TMTC2: variants seen among roughly 807,000 people sequenced by gnomAD.
TMTC2 encodes protein O-mannosyl-transferase TMTC2.
Under a neutral mutation model 82.4 loss-of-function variants are expected in TMTC2, and 43 were observed. The observed-to-expected ratio is 0.52, with a 90% confidence interval of 0.41 to 0.67. The LOEUF (loss-of-function observed/expected upper bound fraction) is 0.67. TMTC2 is among the 30% of genes least tolerant of loss of function. The pLI is 0.00. For synonymous variants in TMTC2, 408 were observed against 381.9 expected, an observed-to-expected ratio of 1.07 and a Z score of -0.80; for missense variants, 919 against 1,012.4, an observed-to-expected ratio of 0.91 and a Z score of 1.25.
At chr12:82,806,588 A>C (rs1879252379) in intron 1 of TMTC2, among the ~76,000 whole-genome samples, 1 of 152,178 alleles carries the variant, frequency 6.6e-6, no homozygotes, top group South Asian at 2.1e-4. Flanking sequence ...TTCATTACTA[A>C]TACTATTGAC....
At chr12:83,043,370 C>CTTCAA (rs1437427651) in intron 9 of TMTC2, among the ~76,000 whole-genome samples, 3 of 152,154 alleles carry the variant, frequency 2.0e-5, no homozygotes, top group African/African-American at 7.2e-5. Flanking sequence ...AAGTGACTTG[C>CTTCAA]TTCAATTCCC....
intron 1 of TMTC2, among the ~76,000 whole-genome samples, chr12:82,709,953 C>T (rs747326296): frequency 3.9e-5 from 6 of 152,110 alleles, no homozygotes; most frequent in African/African-American, 1.4e-4. Context: ...TTCCATAATT[C>T]TGTAGTTTTT....
chr12:83,023,216 T>A (rs957838217), intron 8 of TMTC2, among the ~76,000 whole-genome samples: 3 of 152,224 alleles, frequency 2.0e-5, no homozygotes, highest in African/African-American at 2.4e-5. Flanking sequence ...ATTTGGGAAA[T>A]TTTTTAATAG....
chr12:82,828,529 T>C (rs1869564112), intron 1 of TMTC2, among the ~76,000 whole-genome samples: 1 of 152,322 alleles, frequency 6.6e-6, no homozygotes, highest in East Asian at 1.9e-4. Context: ...CTCTTAGTTC[T>C]GTATGGCCTT....
intron 1 of TMTC2, among the ~76,000 whole-genome samples, chr12:82,741,481 T>A (rs1003944912): frequency 6.6e-6 from 1 of 152,146 alleles, no homozygotes; most frequent in African/African-American, 2.4e-5. Flanking sequence ...TGGCTAAGTT[T>A]TGTATTTTTA....
chr12:82,913,187 T>G (rs1224636505), intron 3 of TMTC2, among the ~76,000 whole-genome samples: 1 of 152,180 alleles, frequency 6.6e-6, no homozygotes. Context: ...TCTTTTGCCA[T>G]TACACTTTAG....
At chr12:82,937,728 G>GT (rs1565818033) in intron 4 of TMTC2, among the ~76,000 whole-genome samples, 2 of 116,686 alleles carry the variant, frequency 1.7e-5, no homozygotes, top group African/African-American at 8.2e-5. Flanking sequence ...GTGTGTGTGT[G>GT]GATGTGTGTG....
intron 4 of TMTC2, among the ~76,000 whole-genome samples, chr12:82,936,437 C>A (rs1876323034): frequency 6.6e-6 from 1 of 151,900 alleles, no homozygotes; most frequent in Non-Finnish European, 1.5e-5. Flanking sequence ...TAAACAAGAA[C>A]CATACAACCC....
chr12:82,984,684 T>C (rs1267075075), intron 7 of TMTC2, among the ~76,000 whole-genome samples: 1 of 152,192 alleles, frequency 6.6e-6, no homozygotes, highest in Admixed American at 6.5e-5. Flanking sequence ...TGTCTCTACA[T>C]TTGCAGTGCT....
intron 1 of TMTC2, among the ~76,000 whole-genome samples, chr12:82,755,463 T>C (rs1245091021): frequency 6.6e-6 from 1 of 152,220 alleles, no homozygotes; most frequent in East Asian, 1.9e-4. Context: ...TAATCAAAAT[T>C]GTTCAAATGA....
At chr12:82,966,727 G>A (rs773063879) in intron 6 of TMTC2, among the ~76,000 whole-genome samples, 192 bp from the exon 7 acceptor site, 1 of 152,070 alleles carries the variant, frequency 6.6e-6, no homozygotes, top group African/African-American at 2.4e-5. Context: ...TTCACTGACT[G>A]GGCTGAGTGT....
intron 9 of TMTC2, among the ~76,000 whole-genome samples, chr12:83,042,600 T>G (rs1881936512): frequency 6.6e-6 from 1 of 152,146 alleles, no homozygotes. Context: ...CCCTTATAGC[T>G]TCTCGCCTCC....
intron 11 of TMTC2, among the ~76,000 whole-genome samples, chr12:83,078,255 G>T (rs1220163496): frequency 1.3e-5 from 2 of 152,168 alleles, no homozygotes; most frequent in African/African-American, 4.8e-5. Flanking sequence ...CTAGTCCTCT[G>T]TATAAAGGCT....
At chr12:83,117,318 A>G (rs1884793969) in intron 11 of TMTC2, among the ~76,000 whole-genome samples, 1 of 152,230 alleles carries the variant, frequency 6.6e-6, no homozygotes, top group Admixed American at 6.5e-5. Flanking sequence ...ACATAACCGA[A>G]AAAGGAAACT....
At chr12:82,881,097 G>T (rs1172088115) in intron 2 of TMTC2, among the ~76,000 whole-genome samples, 2 of 152,078 alleles carry the variant, frequency 1.3e-5, no homozygotes, top group East Asian at 3.9e-4. Flanking sequence ...TAATTTAAAA[G>T]ATAGTACTAT....
At chr12:82,690,144 T>TCCC (rs1872516904) in intron 1 of TMTC2, among the ~76,000 whole-genome samples, 3 of 152,342 alleles carry the variant, frequency 2.0e-5, no homozygotes, top group South Asian at 2.1e-4. Context: ...ATTTTCTATC[T>TCCC]AACTACTGTA....
chr12:82,687,263 G>C lies in TMTC2; in HGVS notation c.-324G>C, dbSNP rs953591275. 92 of 428,652 alleles carry C rather than the reference G, an allele frequency of 2.1e-4. No homozygotes were observed. The highest frequency in any genetic ancestry group is 1.7e-3 in the African/African-American group (86 of 49,676). 26.6% of individuals were successfully genotyped at this position (428,652 alleles called of 1,614,324 possible). A position where few individuals can be genotyped will look rare whatever the true frequency, so the allele number is the denominator to read the frequency against. ...CCCAAACTGCCATGGGTTAGGGTGG[G>C]GATCGCGACCCGCGCGAAAGACCAG... On this transcript the variant is annotated 5_prime_UTR_variant, in exon 1 of 12. Coordinates refer to ENST00000321196, the MANE Select transcript of TMTC2 (RefSeq NM_152588.3).
chr12:82,934,979 A>G (rs936622669), intron 4 of TMTC2, among the ~76,000 whole-genome samples: 1 of 152,064 alleles, frequency 6.6e-6, no homozygotes, highest in Admixed American at 6.6e-5. Flanking sequence ...AAGTTTTGGG[A>G]AAAAAGCCTC....
chr12:83,072,938 C>T (rs535458798), intron 11 of TMTC2, among the ~76,000 whole-genome samples: 3 of 152,098 alleles, frequency 2.0e-5, no homozygotes, highest in African/African-American at 7.2e-5. Flanking sequence ...GAGTTCTTAT[C>T]CATTCTGTGG....
Sources: gnomAD v4.1 joint callset for allele counts (sites outside exome capture counted in the v4.1 genomes callset) on GRCh38, gnomAD v4.1.1 for gene constraint, MANE v1.5 for transcripts, NCBI Gene and HGNC (gene_info 2026-07-23, HGNC 2026-07-21) for gene names.